FHIT: variants seen among roughly 807,000 people sequenced by gnomAD.
FHIT encodes the protein fragile histidine triad diadenosine triphosphatase.
FHIT carries 19 observed loss-of-function variants against 17.9 expected under a neutral mutation model. That is an observed-to-expected ratio of 1.06 (90% CI 0.74 to 1.56). The LOEUF is 1.56. Among genes scored for constraint, FHIT ranks in the 40% most tolerant of loss-of-function variants. The probability of loss-of-function intolerance (pLI) is 0.00; values close to 1 mark genes in which losing one functional copy is unlikely to be tolerated. For missense variants in FHIT, 248 were observed against 189.2 expected (o/e 1.31, Z -1.82); for synonymous variants, 81 against 69.7 (o/e 1.16, Z -0.81).
chr3:60,173,917 G>T (rs4679518), intron 5 of FHIT, among the ~76,000 whole-genome samples: 3,845 of 35,004 alleles, frequency 0.11, 445 homozygotes, highest in East Asian at 0.31. Flanking sequence ...ATATATATAT[G>T]TTTTTTTTTT....
intron 7 of FHIT, among the ~76,000 whole-genome samples, chr3:59,985,686 G>A (rs540567472): frequency 4.7e-4 from 72 of 152,248 alleles, no homozygotes; most frequent in African/African-American, 1.7e-3. Context: ...TTAAAAATCT[G>A]TGAGAATTGG....
At chr3:60,731,534 G>T (rs782083053) in intron 4 of FHIT, among the ~76,000 whole-genome samples, 7 of 152,110 alleles carry the variant, frequency 4.6e-5, no homozygotes, top group Non-Finnish European at 8.8e-5. Flanking sequence ...GGCTGTTCAC[G>T]TGCTGGGTGG....
intron 7 of FHIT, among the ~76,000 whole-genome samples, chr3:60,002,095 T>C (rs1277113141): frequency 6.6e-6 from 1 of 152,156 alleles, no homozygotes; most frequent in East Asian, 1.9e-4. Context: ...TTGTTTATTC[T>C]TCTCAACCAC....
At chr3:60,213,881 C>G (rs140880959) in intron 5 of FHIT, among the ~76,000 whole-genome samples, 2 of 152,252 alleles carry the variant, frequency 1.3e-5, no homozygotes, top group Non-Finnish European at 2.9e-5. Context: ...AGAAAGCATG[C>G]CTATCTACAT....
chr3:61,142,044 G>A (rs1333324148), intron 2 of FHIT, among the ~76,000 whole-genome samples: 1 of 151,412 alleles, frequency 6.6e-6, no homozygotes, highest in Non-Finnish European at 1.5e-5. Context: ...AATTTCTCAG[G>A]GGGAGTCAAA....
chr3:61,098,311 T>C (rs2035706053), intron 2 of FHIT, among the ~76,000 whole-genome samples: 1 of 152,152 alleles, frequency 6.6e-6, no homozygotes, highest in African/African-American at 2.4e-5. Context: ...GGGCTATGTG[T>C]TTGTCTTTGT....
intron 8 of FHIT, among the ~76,000 whole-genome samples, chr3:59,881,396 G>A (rs1049211373): frequency 2.6e-5 from 4 of 152,134 alleles, no homozygotes; most frequent in African/African-American, 7.2e-5. Flanking sequence ...AAGGAAGGGG[G>A]TACGGGCAAT....
At chr3:60,790,595 A>G (rs1462937252) in intron 4 of FHIT, among the ~76,000 whole-genome samples, 1 of 152,174 alleles carries the variant, frequency 6.6e-6, no homozygotes, top group African/African-American at 2.4e-5. Context: ...CTTCCATAGG[A>G]TCAAACCACA....
intron 4 of FHIT, among the ~76,000 whole-genome samples, chr3:60,623,788 G>T (rs1337751111): frequency 1.3e-5 from 2 of 152,116 alleles, no homozygotes; most frequent in Non-Finnish European, 2.9e-5. Context: ...GGAACACACC[G>T]GTTAACCATC....
At chr3:60,968,071 G>T (rs369523679) in intron 3 of FHIT, among the ~76,000 whole-genome samples, 1 of 152,200 alleles carries the variant, frequency 6.6e-6, no homozygotes, top group South Asian at 2.1e-4. Flanking sequence ...AAGGAAAGTG[G>T]CAAGATCCAT....
intron 7 of FHIT, among the ~76,000 whole-genome samples, chr3:59,996,291 G>C (rs984756557): frequency 6.6e-5 from 10 of 152,028 alleles, no homozygotes; most frequent in Non-Finnish European, 1.0e-4. Context: ...CCATGAGTGA[G>C]AGAGACATTT....
At chr3:59,762,337 G>C (rs1701563790) in intron 8 of FHIT, among the ~76,000 whole-genome samples, 2 of 152,172 alleles carry the variant, frequency 1.3e-5, no homozygotes, top group South Asian at 4.2e-4. Flanking sequence ...TACTGTAGTA[G>C]GTTTTCAATA....
At chr3:61,123,345 C>T (rs1034051180) in intron 2 of FHIT, among the ~76,000 whole-genome samples, 1 of 151,994 alleles carries the variant, frequency 6.6e-6, no homozygotes, top group Non-Finnish European at 1.5e-5. Flanking sequence ...ACACTGGGGC[C>T]TTTCAGTGGC....
chr3:60,640,216 G>A (rs2039691454), intron 4 of FHIT, among the ~76,000 whole-genome samples: 1 of 152,152 alleles, frequency 6.6e-6, no homozygotes, highest in African/African-American at 2.4e-5. Context: ...GTGGACTCAT[G>A]GGTGTATCCC....
At chr3:60,072,168 A>G (rs1702803575) in intron 5 of FHIT, among the ~76,000 whole-genome samples, 1 of 152,212 alleles carries the variant, frequency 6.6e-6, no homozygotes, top group Admixed American at 6.5e-5. Context: ...CCTGATGACA[A>G]CAGGCAGTTG....
At chr3:60,446,757 G>A (rs367758112) in intron 5 of FHIT, among the ~76,000 whole-genome samples, 1 of 151,874 alleles carries the variant, frequency 6.6e-6, no homozygotes, top group African/African-American at 2.4e-5. Flanking sequence ...GGAGGCTGAG[G>A]TGGGAGGACT....
At chr3:60,751,833 T>C (rs1177430250) in intron 4 of FHIT, among the ~76,000 whole-genome samples, 1 of 152,154 alleles carries the variant, frequency 6.6e-6, no homozygotes, top group Non-Finnish European at 1.5e-5. Flanking sequence ...TTATTCATTG[T>C]TTTTTTATAA....
chr3:60,449,028 AT>A (rs1480491097), intron 5 of FHIT, among the ~76,000 whole-genome samples: 2 of 152,208 alleles, frequency 1.3e-5, no homozygotes, highest in Non-Finnish European at 2.9e-5. Context: ...CTAAGCTTGA[AT>A]AAAGATCACT....
chr3:60,574,460 C>A (rs1472157175), intron 4 of FHIT, among the ~76,000 whole-genome samples: 3 of 151,532 alleles, frequency 2.0e-5, no homozygotes, highest in African/African-American at 7.3e-5. Flanking sequence ...CAGTGTGGTA[C>A]CTGGTGATGG....
Sources: gnomAD v4.1 joint callset for allele counts (sites outside exome capture counted in the v4.1 genomes callset) on GRCh38, gnomAD v4.1.1 for gene constraint, MANE v1.5 for transcripts, NCBI Gene and HGNC (gene_info 2026-07-23, HGNC 2026-07-21) for gene names.